ZNF75D: variants seen among roughly 807,000 people sequenced by gnomAD.
ZNF75D encodes zinc finger protein 75D.
Under a neutral mutation model 33.3 loss-of-function variants are expected in ZNF75D, and 33 were observed. The observed-to-expected ratio is 0.99, with a 90% CI of 0.75 to 1.32. The LOEUF is 1.32. Ranked by LOEUF, ZNF75D falls within the 40% of genes most tolerant of loss-of-function variation. The pLI, the probability that ZNF75D is intolerant of heterozygous loss-of-function variation, is 0.00. For missense variants in ZNF75D, 338 were observed against 367.5 expected (o/e 0.92, Z 0.66); for synonymous variants, 113 against 130.6 (o/e 0.87, Z 0.92).
chrX:135,277,885 C>T (rs1556417847), intron 1 of ZNF75D, among the ~76,000 whole-genome samples: 1 of 112,297 alleles, frequency 8.9e-6, no homozygotes, highest in African/African-American at 3.2e-5. Flanking sequence ...GTTTTGGTTA[C>T]TGTAGCCTTG....
chrX:135,270,997 TCC>T (rs1390952170), intron 1 of ZNF75D, among the ~76,000 whole-genome samples: 25 of 112,181 alleles, frequency 2.2e-4, no homozygotes, highest in African/African-American at 7.8e-4. Context: ...TCACTCTCTA[TCC>T]CATCCTGGCT....
At chrX:135,291,639 A>T (rs2084041816) in intron 4 of ZNF75D, 76 bp from the exon 5 acceptor site, 1 of 1,154,696 alleles carries the variant, frequency 8.7e-7, no homozygotes, top group African/African-American at 1.8e-5. Flanking sequence ...TAAAATAAAG[A>T]ACATCAGGAT....
At chrX:135,328,747 G>T (rs1053718295) in intron 1 of ZNF75D, among the ~76,000 whole-genome samples, 2 of 112,287 alleles carry the variant, frequency 1.8e-5, no homozygotes, top group African/African-American at 6.5e-5. Context: ...TCACAGACAG[G>T]GTTGACAATT....
intron 1 of ZNF75D, among the ~76,000 whole-genome samples, chrX:135,310,503 G>C (rs1377258407): frequency 8.9e-6 from 1 of 111,808 alleles, no homozygotes; most frequent in East Asian, 2.8e-4. Context: ...CTTAAGTTAG[G>C]AATAAGATGA....
intron 1 of ZNF75D, among the ~76,000 whole-genome samples, chrX:135,259,317 T>C (rs1373331354): frequency 8.9e-6 from 1 of 112,012 alleles, no homozygotes; most frequent in African/African-American, 3.3e-5. Flanking sequence ...AGTAATTTTT[T>C]CCAATTCTGT....
chrX:135,305,259 A>G (rs1178476011), intron 1 of ZNF75D, among the ~76,000 whole-genome samples: 2 of 111,348 alleles, frequency 1.8e-5, no homozygotes, highest in Non-Finnish European at 3.8e-5. Flanking sequence ...CATTCCTTCT[A>G]AATCTCACAA....
intron 1 of ZNF75D, among the ~76,000 whole-genome samples, chrX:135,338,121 T>C (rs972897998): frequency 3.6e-5 from 4 of 111,194 alleles, no homozygotes; most frequent in African/African-American, 1.3e-4. Context: ...AAGCAACAGT[T>C]ATTCCAGTTG....
intron 1 of ZNF75D, among the ~76,000 whole-genome samples, chrX:135,327,588 T>C (rs782564600): frequency 7.3e-4 from 82 of 112,078 alleles, no homozygotes; most frequent in African/African-American, 2.6e-3. Flanking sequence ...AGGGGGTAGA[T>C]ATTACTTTGT....
intron 1 of ZNF75D, among the ~76,000 whole-genome samples, chrX:135,339,102 T>C (rs1474237720): frequency 9.0e-6 from 1 of 111,022 alleles, no homozygotes; most frequent in Admixed American, 9.6e-5. Flanking sequence ...TGGCTACAGA[T>C]GACTGCAGCA....
In ZNF75D at chrX:135,250,481, G is replaced by C. The variant is rs1422754218; in HGVS notation, n.1297-1180C>G. ...AAACGGTGAGTATTGACCTATTTAA[G>C]GAACAGACAGTGCCAAAAAGATTCT... On this transcript the variant is annotated intron_variant and non_coding_transcript_variant, in intron 3 of 3. Transcript: ENST00000494295. Among the ~76,000 whole-genome samples the C allele has an allele frequency of 1.2e-4, 13 of 107,269 alleles. No homozygotes were observed. In the Admixed American group the frequency reaches 1.3e-3, roughly 10 times the overall value. The allele number at this position is 107,269 out of a possible 115,157, so 93.2% of individuals were successfully genotyped here.
intron 1 of ZNF75D, among the ~76,000 whole-genome samples, chrX:135,306,998 T>C (rs1282322357): frequency 5.4e-5 from 6 of 111,526 alleles, no homozygotes; most frequent in Non-Finnish European, 9.4e-5. Context: ...GCTGGGATTA[T>C]AGGTGTGAGC....
At chrX:135,329,946 C>T (rs1387381277) in intron 1 of ZNF75D, among the ~76,000 whole-genome samples, 1 of 111,870 alleles carries the variant, frequency 8.9e-6, no homozygotes, top group Non-Finnish European at 1.9e-5. Context: ...GAACTCAGTG[C>T]AAGCACAGTC....
intron 2 of ZNF75D, among the ~76,000 whole-genome samples, chrX:135,294,598 A>C (rs2084097751): frequency 9.0e-6 from 1 of 111,063 alleles, no homozygotes; most frequent in Non-Finnish European, 1.9e-5. Flanking sequence ...CCAATACTTA[A>C]TCTGTGGGTT....
At chrX:135,266,156 C>T (rs1198044013) in intron 1 of ZNF75D, among the ~76,000 whole-genome samples, 1 of 111,004 alleles carries the variant, frequency 9.0e-6, no homozygotes, top group Non-Finnish European at 1.9e-5. Flanking sequence ...GAAATTAAAA[C>T]ATACACCAGA....
At chrX:135,259,872 G>A (rs1019625243) in intron 1 of ZNF75D, among the ~76,000 whole-genome samples, 5 of 111,697 alleles carry the variant, frequency 4.5e-5, no homozygotes, top group East Asian at 2.8e-4. Flanking sequence ...GTCTTGTGCC[G>A]GTTTTCAAAG....
intron 1 of ZNF75D, among the ~76,000 whole-genome samples, chrX:135,276,337 T>G (rs930852829): frequency 6.3e-5 from 7 of 111,993 alleles, no homozygotes; most frequent in Admixed American, 3.8e-4. Flanking sequence ...TTTTCTTTAT[T>G]CATCTACTCA....
In ZNF75D at chrX:135,277,699, T is replaced by G. The variant is rs782737945; in HGVS notation, n.828-21922A>C. On this transcript the variant is annotated intron_variant and non_coding_transcript_variant, in intron 1 of 3. Transcript: ENST00000494295. ...AGGAAGGGATCCAGTTTCAGTTTTC[T>G]GCATGTGGCTAGCCAGTTTTCCCAA... is the stretch of plus-strand genomic sequence containing the variant. Among the ~76,000 whole-genome samples the G allele has an allele frequency of 2.7e-5, 3 of 112,542 alleles. No individual in the cohort carries two copies. In the South Asian group the frequency reaches 1.1e-3, roughly 41 times the overall value.
At chrX:135,265,118 C>A (rs374653475) in intron 1 of ZNF75D, among the ~76,000 whole-genome samples, 8 of 109,910 alleles carry the variant, frequency 7.3e-5, no homozygotes, top group African/African-American at 2.7e-4. Context: ...ACTCGGGAGG[C>A]TGAGGCAGAG....
rs782128819 is a variant in ZNF75D at position 135,291,566 on chromosome X, GT to G, written c.605-4del. On this transcript the variant is annotated splice_polypyrimidine_tract_variant and splice_region_variant and intron_variant, in intron 4 of 6. Transcript: ENST00000370766. ...TAACATCTGTTGATCATGCACAGCT[GT>G]GGGTAGAAAATAGCCAGGGAAAATT... is the stretch of plus-strand genomic sequence containing the variant. 2.0e-5 allele frequency: 24 copies of G among 1,205,564 alleles called. No individual in the cohort carries two copies. Among genetic ancestry groups the G allele is most frequent in the Non-Finnish European group, 2.6e-5 (23 of 892,691 alleles).
Sources: gnomAD v4.1 joint callset for allele counts (sites outside exome capture counted in the v4.1 genomes callset) on GRCh38, gnomAD v4.1.1 for gene constraint, MANE v1.5 for transcripts, NCBI Gene and HGNC (gene_info 2026-07-23, HGNC 2026-07-21) for gene names.